The following ARHGEF38 variants were observed in gnomAD, a reference collection of about 807,000 sequenced individuals.
ARHGEF38 encodes the protein Rho guanine nucleotide exchange factor (GEF) 38.
ARHGEF38 carries 79 observed loss-of-function variants against 79.9 expected under a neutral mutation model. That is an observed-to-expected ratio of 0.99 (90% CI 0.82 to 1.19). The LOEUF (loss-of-function observed/expected upper bound fraction) is 1.19. Ranked by LOEUF, ARHGEF38 falls within the 50% of genes most tolerant of loss-of-function variation. The pLI is 0.00. For missense variants in ARHGEF38, 962 were observed against 907.2 expected, an observed-to-expected ratio of 1.06 and a Z score of -0.78; for synonymous variants, 366 against 328.3, an observed-to-expected ratio of 1.11 and a Z score of -1.24.
chr4:105,673,791 C>T (rs1002696643), intron 13 of ARHGEF38, among the ~76,000 whole-genome samples: 3 of 151,638 alleles, frequency 2.0e-5, no homozygotes, highest in Non-Finnish European at 3.0e-5. Context: ...TTTTGTTTTG[C>T]TTAACTTTAC....
intron 1 of ARHGEF38, among the ~76,000 whole-genome samples, chr4:105,564,138 G>A (rs539829023): frequency 9.9e-5 from 15 of 152,146 alleles, no homozygotes; most frequent in Middle Eastern, 3.4e-3. Flanking sequence ...CCAAAGAGGG[G>A]AATATATAAA....
chr4:105,667,031 C>T, intron 11 of ARHGEF38, 98 bp from the exon 12 acceptor site: 3 of 1,049,018 alleles, frequency 2.9e-6, no homozygotes, highest in Non-Finnish European at 4.0e-6. Flanking sequence ...TATATGACTC[C>T]TACGTTTTAA....
rs1731182483 is a variant in ARHGEF38, at chr4:105,678,060, C to T, written c.*123C>T. 2 of 752,528 alleles carry T rather than the reference C, an allele frequency of 2.7e-6. No homozygotes were observed. The highest frequency in any genetic ancestry group is 4.0e-6 in the Non-Finnish European group (2 of 502,602). The allele number at this position is 752,528 out of a possible 1,614,324, so 46.6% of individuals were successfully genotyped here. A position where few individuals can be genotyped will look rare whatever the true frequency, so the allele number is the denominator to read the frequency against. On this transcript the variant is annotated 3_prime_UTR_variant, in exon 14 of 14. Transcript: ENST00000420470. ...CTGAACTACAGAAACTGATACTGTA[C>T]TGGGTTTTCAGGAATACTGTACTTC...
chr4:105,560,814 C>G (rs961176714), intron 1 of ARHGEF38, among the ~76,000 whole-genome samples: 5 of 152,168 alleles, frequency 3.3e-5, no homozygotes, highest in African/African-American at 9.7e-5. Context: ...TTCACAGAAA[C>G]TGTTTTTCCT....
At chr4:105,598,726 A>C (rs892538395) in intron 2 of ARHGEF38, among the ~76,000 whole-genome samples, 1 of 151,734 alleles carries the variant, frequency 6.6e-6, no homozygotes. Context: ...GAATCCTAGC[A>C]TTTATTATAT....
At chr4:105,665,477 A>C (rs1179788871) in intron 10 of ARHGEF38, among the ~76,000 whole-genome samples, 2 of 151,968 alleles carry the variant, frequency 1.3e-5, no homozygotes, top group South Asian at 2.1e-4. Context: ...AGCCTGAAAA[A>C]AAAAATTTTT....
intron 1 of ARHGEF38, chr4:105,561,488 T>TGG (rs1560684707): frequency 5.1e-5 from 7 of 138,384 alleles, no homozygotes; most frequent in South Asian, 2.3e-4. Context: ...TAGAATAGAA[T>TGG]AGAATAGAAT....
At chr4:105,627,951 T>C (rs1346568619) in intron 3 of ARHGEF38, among the ~76,000 whole-genome samples, 1 of 152,116 alleles carries the variant, frequency 6.6e-6, no homozygotes, top group Admixed American at 6.5e-5. Flanking sequence ...AATAAATGAC[T>C]TTCAATTAGA....
At chr4:105,610,945 T>TAG (rs1728268741) in intron 2 of ARHGEF38, among the ~76,000 whole-genome samples, 2 of 152,040 alleles carry the variant, frequency 1.3e-5, no homozygotes, top group Non-Finnish European at 2.9e-5. Context: ...TAAACAGAGA[T>TAG]AGTAAAGTAC....
At chr4:105,590,234 A>G (rs1727274919) in intron 2 of ARHGEF38, among the ~76,000 whole-genome samples, 1 of 152,132 alleles carries the variant, frequency 6.6e-6, no homozygotes, top group East Asian at 1.9e-4. Flanking sequence ...TTTCCAGTGG[A>G]GGACATTGAG....
chr4:105,651,410 A>C (rs1213856339), intron 7 of ARHGEF38, among the ~76,000 whole-genome samples: 1 of 152,212 alleles, frequency 6.6e-6, no homozygotes, highest in Non-Finnish European at 1.5e-5. Context: ...GATTCTATTC[A>C]ATTCATCATA....
chr4:105,669,516 GT>G (rs1464652973), intron 13 of ARHGEF38, among the ~76,000 whole-genome samples: 10 of 151,742 alleles, frequency 6.6e-5, no homozygotes, highest in Middle Eastern at 6.9e-3. Flanking sequence ...CAAAAGTATG[GT>G]TCTATTCAGT....
intron 4 of ARHGEF38, chr4:105,632,612 C>G (rs1056610583): frequency 1.3e-5 from 2 of 152,120 alleles, no homozygotes; most frequent in African/African-American, 4.8e-5. Context: ...GAATGAACAC[C>G]TTTCCTACCT....
chr4:105,576,240 T>C (rs980475511), intron 1 of ARHGEF38, among the ~76,000 whole-genome samples: 25 of 152,186 alleles, frequency 1.6e-4, no homozygotes, highest in African/African-American at 5.8e-4. Context: ...CTTTGGGCAG[T>C]ATGATCATTT....
intron 6 of ARHGEF38, 77 bp downstream of exon 6, chr4:105,645,464 T>G (rs1729799966): frequency 1.6e-6 from 2 of 1,214,316 alleles, no homozygotes; most frequent in Non-Finnish European, 2.2e-6. Flanking sequence ...TCAGAATGTT[T>G]AAGTAGTTAT....
chr4:105,637,493 A>G (rs1200544201), intron 5 of ARHGEF38, among the ~76,000 whole-genome samples: 1 of 152,114 alleles, frequency 6.6e-6, no homozygotes, highest in African/African-American at 2.4e-5. Context: ...ATGAGTTTCC[A>G]ATTCTAGGCT....
chr4:105,565,621 G>A (rs1198985528), intron 1 of ARHGEF38, among the ~76,000 whole-genome samples: 1 of 152,138 alleles, frequency 6.6e-6, no homozygotes, highest in Non-Finnish European at 1.5e-5. Context: ...ATAGAGGCAG[G>A]GAGGGAGTGT....
At chr4:105,591,299 G>C (rs1727322747) in intron 2 of ARHGEF38, among the ~76,000 whole-genome samples, 1 of 152,098 alleles carries the variant, frequency 6.6e-6, no homozygotes, top group Non-Finnish European at 1.5e-5. Context: ...CGCTGTCTCT[G>C]CTCACTGCAA....
At chr4:105,668,644 TTATGTA>T (rs1393108856) in intron 13 of ARHGEF38, among the ~76,000 whole-genome samples, 6 of 149,742 alleles carry the variant, frequency 4.0e-5, no homozygotes, top group Non-Finnish European at 1.5e-5. Flanking sequence ...TTTATAGAGG[TTATGTA>T]TATGTATATG....
Sources: allele counts gnomAD v4.1 joint callset (sites outside exome capture counted in the v4.1 genomes callset), GRCh38; gene constraint gnomAD v4.1.1; transcripts MANE v1.5; gene names NCBI Gene and HGNC (gene_info 2026-07-23, HGNC 2026-07-21).